The following LAMA2 variants were observed in gnomAD, a reference collection of about 807,000 sequenced individuals.
The protein encoded by LAMA2 is laminin subunit alpha-2.
In LAMA2, 269 loss-of-function variants were observed where a neutral mutation model predicts 364.8. The ratio of observed to expected loss-of-function variants is 0.74; its 90% CI spans 0.67 to 0.82. The LOEUF is 0.82. Among genes scored for constraint, LAMA2 ranks in the 40% least tolerant of loss-of-function variants. LAMA2 has a pLI of 0.00. For missense variants in LAMA2, 3,807 were observed against 3,873.2 expected, an observed-to-expected ratio of 0.98 and a Z score of 0.45; for synonymous variants, 1,379 against 1,370.6, an observed-to-expected ratio of 1.01 and a Z score of -0.14.
chr6:129,112,336 A>G (rs545376303), intron 4 of LAMA2, among the ~76,000 whole-genome samples: 40 of 151,986 alleles, frequency 2.6e-4, no homozygotes, highest in Non-Finnish European at 4.3e-4. Context: ...CATTATTTCA[A>G]TTTGTTACAT....
At chr6:129,014,816 C>T (rs1459641569) in intron 1 of LAMA2, among the ~76,000 whole-genome samples, 7 of 151,706 alleles carry the variant, frequency 4.6e-5, no homozygotes. Flanking sequence ...ATCTTTAAAA[C>T]AAAGGATATA....
chr6:129,015,624 G>A (rs1023771654), intron 1 of LAMA2, among the ~76,000 whole-genome samples: 2 of 151,926 alleles, frequency 1.3e-5, no homozygotes, highest in South Asian at 2.1e-4. Context: ...ACTTTGGTAC[G>A]AATGTCAAAG....
intron 23 of LAMA2, among the ~76,000 whole-genome samples, chr6:129,313,435 A>G (rs187252554): frequency 6.6e-6 from 1 of 152,310 alleles, no homozygotes; most frequent in East Asian, 1.9e-4. Context: ...CAGTTCTTTT[A>G]AGCATCATCA....
At chr6:129,195,779 G>C (rs1216876915) in intron 12 of LAMA2, among the ~76,000 whole-genome samples, 2 of 152,196 alleles carry the variant, frequency 1.3e-5, no homozygotes, top group African/African-American at 2.4e-5. Flanking sequence ...AAGAGCTAGA[G>C]GACAAAGAAT....
chr6:129,075,235 A>C (rs1297559425), intron 3 of LAMA2, among the ~76,000 whole-genome samples: 1 of 152,200 alleles, frequency 6.6e-6, no homozygotes, highest in Non-Finnish European at 1.5e-5. Context: ...GTTTATTACC[A>C]GCAGGAATAA....
intron 1 of LAMA2, among the ~76,000 whole-genome samples, chr6:128,968,324 T>A (rs924181111): frequency 3.3e-5 from 5 of 152,116 alleles, no homozygotes; most frequent in Non-Finnish European, 5.9e-5. Flanking sequence ...ATTTTTGAGC[T>A]CTTATGAGGT....
intron 4 of LAMA2, among the ~76,000 whole-genome samples, chr6:129,112,995 A>G (rs1776245751): frequency 6.6e-6 from 1 of 152,090 alleles, no homozygotes; most frequent in South Asian, 2.1e-4. Flanking sequence ...TTGCAGAAAC[A>G]TGTCATAGAA....
At chr6:129,441,115 T>C in intron 43 of LAMA2, 117 bp downstream of exon 43, 1 of 892,498 alleles carries the variant, frequency 1.1e-6, no homozygotes, top group Non-Finnish European at 1.8e-6. Context: ...TCTGCCTTCC[T>C]TCTTTCATAG....
chr6:129,077,001 A>G (rs749585991), intron 3 of LAMA2, among the ~76,000 whole-genome samples: 1 of 152,146 alleles, frequency 6.6e-6, no homozygotes, highest in Non-Finnish European at 1.5e-5. Context: ...ATAATAAGTT[A>G]GGTTCAGGTT....
At chr6:128,963,821 C>T (rs750971051) in intron 1 of LAMA2, among the ~76,000 whole-genome samples, 2 of 152,078 alleles carry the variant, frequency 1.3e-5, no homozygotes, top group Non-Finnish European at 2.9e-5. Context: ...CATTGAAATG[C>T]TATCTGGGTG....
rs535635043 is a variant in LAMA2 at position 129,059,863 on chromosome 6, C to A, written c.363C>A (p.Tyr121Ter). The A allele has an allele frequency of 4.4e-6, 7 of 1,601,082 alleles. No homozygotes were observed. In the Admixed American group the frequency reaches 6.7e-5, roughly 15 times the overall value. The change falls in exon 3 of 65, where the codon TAC (tyrosine) becomes TAA (stop). Residue 121 changes from tyrosine to a stop codon, truncating the protein, a stop_gained. Coordinates refer to ENST00000421865, the MANE Select transcript of LAMA2 (RefSeq NM_000426.4). LOFTEE classifies it high-confidence loss of function. ...QSPSIKNGIE[Y>*]HYVTITLDLQ... Reference sequence around the variant, plus strand: ...CCAGTATTAAGAATGGAATCGAATACCATTATGTGACAATTACCCTGGATT... The same window carrying A: ...CCAGTATTAAGAATGGAATCGAATAACATTATGTGACAATTACCCTGGATT...
chr6:129,434,000 C>G (rs1370457893), intron 41 of LAMA2, among the ~76,000 whole-genome samples: 3 of 152,180 alleles, frequency 2.0e-5, no homozygotes, highest in Non-Finnish European at 4.4e-5. Flanking sequence ...GAACCCACAT[C>G]TTCCAACTCT....
At chr6:129,306,313 C>CTTTTTTTTTTT (rs11315443) in intron 22 of LAMA2, among the ~76,000 whole-genome samples, 2 of 70,394 alleles carry the variant, frequency 2.8e-5, no homozygotes, top group African/African-American at 5.3e-5. Flanking sequence ...TAATTTTTTC[C>CTTTTTTTTTTT]TTTTTTTTTT....
At chr6:129,205,501 C>T (rs34136592) in intron 12 of LAMA2, among the ~76,000 whole-genome samples, 11,782 of 92,422 alleles carry the variant, frequency 0.13, 665 homozygotes, top group Middle Eastern at 0.16. Context: ...TATACACACA[C>T]ACACACACAC....
intron 1 of LAMA2, among the ~76,000 whole-genome samples, chr6:128,937,860 G>A (rs1015926228): frequency 2.0e-5 from 3 of 148,448 alleles, no homozygotes; most frequent in African/African-American, 5.0e-5. Flanking sequence ...CTATTTCCTT[G>A]AGGTATAAAG....
Position 129,062,437 on chromosome 6 carries a change from T to C in LAMA2, c.396+2541T>C, listed in dbSNP as rs56005089. ...CTAGGGAGCTCAGGATAATTTTTAT[T>C]ATATATTTTCAAGGGCTCCAAATGT... On this transcript the variant is annotated intron_variant, in intron 3 of 64. Transcript: ENST00000421865. Among the ~76,000 whole-genome samples the C allele has an allele frequency of 4.7e-3, 711 of 152,206 alleles. 4 individuals are homozygous for C. The highest frequency in any genetic ancestry group is 0.016 in the African/African-American group (678 of 41,550).
At chr6:129,190,490 G>A in intron 11 of LAMA2, 145 bp downstream of exon 11, 1 of 838,266 alleles carries the variant, frequency 1.2e-6, no homozygotes, top group Admixed American at 2.6e-5. Context: ...TTCAAATGCT[G>A]TTGTGTATTT....
At chr6:129,496,320 C>T (rs1367478353) in intron 58 of LAMA2, among the ~76,000 whole-genome samples, 4 of 152,112 alleles carry the variant, frequency 2.6e-5, no homozygotes, top group Non-Finnish European at 5.9e-5. Flanking sequence ...GCATGCACCA[C>T]CACTCTTGGC....
At chr6:128,968,078 A>G (rs1402924324) in intron 1 of LAMA2, among the ~76,000 whole-genome samples, 2 of 152,140 alleles carry the variant, frequency 1.3e-5, no homozygotes, top group Admixed American at 1.3e-4. Context: ...TCAATCAAAC[A>G]AAAGGGAATC....
Sources: gnomAD v4.1 joint callset for allele counts (sites outside exome capture counted in the v4.1 genomes callset) on GRCh38, gnomAD v4.1.1 for gene constraint, MANE v1.5 for transcripts, NCBI Gene and HGNC (gene_info 2026-07-23, HGNC 2026-07-21) for gene names.